Variants in AAK1 observed in about 807,000 individuals in gnomAD.
The protein encoded by AAK1 is AP2 associated kinase 1.
AAK1 carries 37 observed loss-of-function variants against 116.0 expected under a neutral mutation model. That is an observed-to-expected ratio of 0.32 (90% CI 0.25 to 0.42). The LOEUF (loss-of-function observed/expected upper bound fraction) is 0.42. AAK1 is among the 10% of genes least tolerant of loss of function. The pLI is 1.00. For synonymous variants in AAK1, 458 were observed against 439.9 expected, an observed-to-expected ratio of 1.04 and a Z score of -0.51; for missense variants, 919 against 1,170.6, an observed-to-expected ratio of 0.79 and a Z score of 3.14.
rs1671356720 is a variant in AAK1, at chr2:69,555,554, A to G, written c.282+1306T>C. Among the ~76,000 whole-genome samples the G allele has an allele frequency of 1.3e-5, 2 of 152,218 alleles. 1 individual carries two copies. Among genetic ancestry groups the G allele is most frequent in the South Asian group, 4.1e-4 (2 of 4,828 alleles). ...CCCTTTCTGCTCTTTAAAAAGCATTAAAATCCAGGGCATAAAAGGAATCAT... is the reference window on the plus strand; with the variant it reads ...CCCTTTCTGCTCTTTAAAAAGCATTGAAATCCAGGGCATAAAAGGAATCAT... On this transcript the variant is annotated intron_variant, in intron 3 of 21. Coordinates refer to ENST00000409085, the MANE Select transcript of AAK1 (RefSeq NM_014911.5).
At chr2:69,609,316 T>C (rs1277215983) in intron 2 of AAK1, among the ~76,000 whole-genome samples, 1 of 152,008 alleles carries the variant, frequency 6.6e-6, no homozygotes, top group East Asian at 1.9e-4. Flanking sequence ...TGAGCCAAGA[T>C]TGTGCCACTA....
intron 3 of AAK1, among the ~76,000 whole-genome samples, chr2:69,550,097 G>A (rs188007405): frequency 2.6e-5 from 4 of 152,184 alleles, no homozygotes; most frequent in Non-Finnish European, 4.4e-5. Flanking sequence ...TAGACTCTTC[G>A]TTTTGCTGAC....
chr2:69,643,535 TC>T, intron 1 of AAK1, 39 bp downstream of exon 1: 1 of 1,226,506 alleles, frequency 8.2e-7, no homozygotes, highest in South Asian at 4.2e-5. Flanking sequence ...CTCCCGGGTC[TC>T]CCCGCCGCCC....
In AAK1 at chr2:69,468,554, T is replaced by C; in HGVS notation, c.*7315A>G. The C allele has an allele frequency of 1.0e-6, 1 of 985,252 alleles. No homozygotes were observed. Among genetic ancestry groups the C allele is most frequent in the Non-Finnish European group, 1.2e-6 (1 of 829,890 alleles). The allele number at this position is 985,252 out of a possible 1,614,324, so 61.0% of individuals were successfully genotyped here. On this transcript the variant is annotated 3_prime_UTR_variant, in exon 22 of 22. Transcript: ENST00000409085. ...CAAAATATCTCTTAGGGAAAAAAAA[T>C]GGAAAACTTAGTCAAGCCAGTGACC...
intron 2 of AAK1, among the ~76,000 whole-genome samples, chr2:69,615,711 T>C (rs575632188): frequency 6.6e-6 from 1 of 152,346 alleles, no homozygotes; most frequent in South Asian, 2.1e-4. Context: ...CTCCTATACT[T>C]TTACAGCTAA....
chr2:69,479,186 G>T, intron 19 of AAK1, 125 bp from the exon 20 acceptor site: 2 of 664,358 alleles, frequency 3.0e-6, no homozygotes, highest in East Asian at 2.7e-5. Context: ...AAGCCAAAGC[G>T]GGAGAATAAA....
intron 2 of AAK1, among the ~76,000 whole-genome samples, chr2:69,618,422 G>A (rs1674436293): frequency 6.6e-6 from 1 of 152,080 alleles, no homozygotes; most frequent in Non-Finnish European, 1.5e-5. Flanking sequence ...CAACTTGCTC[G>A]GTCCTGCTCC....
intron 2 of AAK1, among the ~76,000 whole-genome samples, chr2:69,591,148 T>A (rs1673009054): frequency 1.3e-5 from 2 of 152,210 alleles, no homozygotes; most frequent in South Asian, 4.1e-4. Context: ...ATATCATCAG[T>A]CACTCTCTAT....
intron 2 of AAK1, among the ~76,000 whole-genome samples, chr2:69,588,291 C>A (rs934953184): frequency 9.9e-5 from 15 of 152,202 alleles, no homozygotes; most frequent in Non-Finnish European, 1.6e-4. Flanking sequence ...TCCTCCACCC[C>A]CTTCTTTCCT....
intron 12 of AAK1, among the ~76,000 whole-genome samples, 176 bp downstream of exon 12, chr2:69,518,778 A>G (rs1676698027): frequency 6.6e-6 from 1 of 152,170 alleles, no homozygotes; most frequent in Non-Finnish European, 1.5e-5. Flanking sequence ...TGGCCTGAGT[A>G]AAAGGGTGAA....
Position 69,558,260 on chromosome 2 carries a change from C to T in AAK1, c.164-1282G>A, listed in dbSNP as rs1671475190. Among the ~76,000 whole-genome samples, 3 of 151,096 alleles carry T rather than the reference C, an allele frequency of 2.0e-5. No homozygotes were observed. In the South Asian group the frequency reaches 6.3e-4, roughly 32 times the overall value. On this transcript the variant is annotated intron_variant, in intron 2 of 21. Coordinates refer to ENST00000409085, the MANE Select transcript of AAK1 (RefSeq NM_014911.5). ...TGGAAGGCTGAGGTGGGAAGGATGG[C>T]TTGAGCCTGGGAGGTGGAGGTTGCA...
chr2:69,479,147 A>T, intron 19 of AAK1, 86 bp from the exon 20 acceptor site: 1 of 952,726 alleles, frequency 1.0e-6, no homozygotes, highest in South Asian at 1.4e-5. Context: ...CTTAGCTTTT[A>T]AGTTACTGCA....
At chr2:69,479,904 C>T (rs949730101) in intron 19 of AAK1, among the ~76,000 whole-genome samples, 1 of 152,056 alleles carries the variant, frequency 6.6e-6, no homozygotes, top group Non-Finnish European at 1.5e-5. Context: ...TACAGGCATG[C>T]GCTACCACAA....
At chr2:69,488,686 G>A (rs1479857637) in intron 17 of AAK1, among the ~76,000 whole-genome samples, 1 of 152,058 alleles carries the variant, frequency 6.6e-6, no homozygotes, top group Non-Finnish European at 1.5e-5. Context: ...AGTGAATATG[G>A]GTCAAGTTCC....
chr2:69,485,984 G>T (rs1374647718), intron 17 of AAK1, among the ~76,000 whole-genome samples: 6 of 151,112 alleles, frequency 4.0e-5, no homozygotes, highest in Non-Finnish European at 7.4e-5. Flanking sequence ...AGACAGGATA[G>T]TGCTCTGCCA....
chr2:69,641,870 G>A (rs1035590066), intron 2 of AAK1, among the ~76,000 whole-genome samples: 4 of 151,942 alleles, frequency 2.6e-5, no homozygotes, highest in Non-Finnish European at 5.9e-5. Context: ...AACCCCTCTC[G>A]GTCTATAACA....
intron 2 of AAK1, among the ~76,000 whole-genome samples, chr2:69,605,992 C>G (rs1351758607): frequency 6.6e-6 from 1 of 152,172 alleles, no homozygotes; most frequent in Non-Finnish European, 1.5e-5. Flanking sequence ...CCCCCATGAA[C>G]TCACTATTCC....
intron 2 of AAK1, among the ~76,000 whole-genome samples, chr2:69,581,312 C>T (rs1672533201): frequency 1.3e-5 from 2 of 152,116 alleles, no homozygotes; most frequent in Admixed American, 1.3e-4. Flanking sequence ...TGGGGTTTCA[C>T]CACGTTGGCT....
chr2:69,594,305 G>A (rs575261461), intron 2 of AAK1, among the ~76,000 whole-genome samples: 1 of 152,214 alleles, frequency 6.6e-6, no homozygotes, highest in African/African-American at 2.4e-5. Context: ...GTTCAAGTAG[G>A]AGGATCCTGT....
Sources: gnomAD v4.1 joint callset for allele counts (sites outside exome capture counted in the v4.1 genomes callset) on GRCh38, gnomAD v4.1.1 for gene constraint, MANE v1.5 for transcripts, NCBI Gene and HGNC (gene_info 2026-07-23, HGNC 2026-07-21) for gene names.